AGPAT3: variants seen among roughly 807,000 people sequenced by gnomAD.
AGPAT3 encodes the protein 1-acylglycerol-3-phosphate O-acyltransferase 3, also known as 1-acyl-sn-glycerol-3-phosphate acyltransferase gamma.
In AGPAT3, 5 loss-of-function variants were observed where a neutral mutation model predicts 47.3. That is an observed-to-expected ratio of 0.11 (90% CI 0.06 to 0.22). The LOEUF (loss-of-function observed/expected upper bound fraction) is 0.22. Among genes scored for constraint, AGPAT3 ranks in the 10% least tolerant of loss-of-function variants. The pLI is 1.00. For missense variants in AGPAT3, 315 were observed against 493.0 expected, an observed-to-expected ratio of 0.64 and a Z score of 3.42; for synonymous variants, 212 against 208.3, an observed-to-expected ratio of 1.02 and a Z score of -0.15.
chr21:43,903,561 G>A lies in AGPAT3; in HGVS notation c.-111-396G>A, dbSNP rs187497368. 4.6e-5 allele frequency among the ~76,000 whole-genome samples: 7 copies of A among 152,366 alleles called. No individual in the cohort carries two copies. The East Asian group carries it at 9.6e-4, about 21-fold the overall frequency. On this transcript the variant is annotated intron_variant, in intron 1 of 9. Coordinates refer to ENST00000291572, the MANE Select transcript of AGPAT3 (RefSeq NM_020132.5). ...CAGGGCTTTGGGAAGCAGCGGGAGCGCATGTAAGGCTGGTGTAGCTGTCGC... is the reference window on the plus strand; with the variant it reads ...CAGGGCTTTGGGAAGCAGCGGGAGCACATGTAAGGCTGGTGTAGCTGTCGC...
In AGPAT3 at chr21:43,969,258, G is replaced by A. The variant is rs142026582; in HGVS notation, c.489G>A (p.Ser163=). 1.3e-4 allele frequency: 203 copies of A among 1,614,208 alleles called. 1 individual carries two copies. The highest frequency in any genetic ancestry group is 1.5e-4 in the Non-Finnish European group (179 of 1,180,026). The part of the protein sequence containing the change: ...DTVVEGLRRL[S]DYPEYMWFLL... ...TGGTCGAAGGGCTGAGGCGCCTGTC[G>A]GACTACCCCGAGTACATGTGGGTGA... Residue 163 remains serine (S), a synonymous_variant, in exon 5 of 10, where the codon TCG becomes TCA. Coordinates refer to ENST00000291572, the MANE Select transcript of AGPAT3 (RefSeq NM_020132.5).
intron 2 of AGPAT3, among the ~76,000 whole-genome samples, chr21:43,909,166 C>T (rs1028464170): frequency 1.3e-5 from 2 of 152,228 alleles, no homozygotes; most frequent in Admixed American, 1.3e-4. Context: ...CTCCAAGGGC[C>T]CCATTGGGCC....
intron 1 of AGPAT3, among the ~76,000 whole-genome samples, chr21:43,889,965 T>C (rs1182258080): frequency 6.6e-6 from 1 of 152,156 alleles, no homozygotes; most frequent in Non-Finnish European, 1.5e-5. Flanking sequence ...AAATCTGACA[T>C]TTTGGATCCG....
At position 43,981,956 on chromosome 21, in the gene AGPAT3, A is replaced by G. The variant is rs2146960754; in HGVS notation, c.1043-348A>G. 6.6e-6 allele frequency among the ~76,000 whole-genome samples: 1 copy of G among 152,206 alleles called. No homozygotes were observed. The highest frequency in any genetic ancestry group is 2.1e-4 in the South Asian group (1 of 4,818). ...TTACATCCGAGGGTCCTGCTCGTCC[A>G]CCTCTGTCACCTGTTGGGTTTGCAA... On this transcript the variant is annotated intron_variant, in intron 9 of 9. Coordinates refer to ENST00000291572, the MANE Select transcript of AGPAT3 (RefSeq NM_020132.5). This position sits in a 1 kb window ranked among gnomAD's most constrained non-coding sequence, Gnocchi z 5.3.
chr21:43,969,956 C>T (rs2089324034), intron 5 of AGPAT3, among the ~76,000 whole-genome samples: 1 of 150,978 alleles, frequency 6.6e-6, no homozygotes, highest in Non-Finnish European at 1.5e-5. Flanking sequence ...ACCTTGACCT[C>T]CCAAAGTGCT....
rs76431554 is a variant in AGPAT3, at chr21:43,933,354, G to C, written c.-48-26280G>C. Among the ~76,000 whole-genome samples the C allele has an allele frequency of 6.6e-6, 1 of 152,094 alleles. No individual in the cohort carries two copies. ...TTGCGGGTCGTCTCTTTACCCTGTC[G>C]TTCCCTTTGTCATGCAGAAGCTGTT... On this transcript the variant is annotated intron_variant, in intron 2 of 9. Coordinates refer to ENST00000291572, the MANE Select transcript of AGPAT3 (RefSeq NM_020132.5). This position sits in a 1 kb window ranked among gnomAD's most constrained non-coding sequence, Gnocchi z 6.0.
intron 2 of AGPAT3, among the ~76,000 whole-genome samples, chr21:43,928,184 G>A (rs1343906443): frequency 6.6e-6 from 1 of 152,214 alleles, no homozygotes; most frequent in Non-Finnish European, 1.5e-5. Flanking sequence ...AATAAGAAGC[G>A]ACGGTTTCAG....
intron 1 of AGPAT3, among the ~76,000 whole-genome samples, chr21:43,866,200 A>T (rs1051136635): frequency 1.4e-4 from 9 of 65,878 alleles, no homozygotes; most frequent in African/African-American, 2.6e-4. Context: ...CCAGACCTTT[A>T]AAAAAAAAAA....
chr21:43,910,397 A>G (rs1031746612), intron 2 of AGPAT3, among the ~76,000 whole-genome samples: 16 of 152,190 alleles, frequency 1.1e-4, no homozygotes, highest in Non-Finnish European at 1.9e-4. Flanking sequence ...CAGTGAGGTG[A>G]AGGAGGAGGT....
intron 2 of AGPAT3, among the ~76,000 whole-genome samples, chr21:43,921,192 G>T (rs748789296): frequency 2.0e-5 from 3 of 152,204 alleles, no homozygotes; most frequent in Non-Finnish European, 4.4e-5. Context: ...TTGAACCTGA[G>T]GGGGAGTCAT....
At chr21:43,887,427 A>G (rs2086005250) in intron 1 of AGPAT3, among the ~76,000 whole-genome samples, 1 of 152,198 alleles carries the variant, frequency 6.6e-6, no homozygotes, top group African/African-American at 2.4e-5. Flanking sequence ...AATAGATGAT[A>G]TCAGGGACTA....
intron 1 of AGPAT3, among the ~76,000 whole-genome samples, 158 bp downstream of exon 1, chr21:43,865,503 C>T (rs890939907): frequency 1.4e-5 from 2 of 147,502 alleles, no homozygotes; most frequent in Non-Finnish European, 3.0e-5. Flanking sequence ...GCCGGCCGCG[C>T]TCCGCGGGGC....
rs2029999987 is a variant in AGPAT3 at position 43,984,108 on chromosome 21, G to C, written c.*1716G>C. 1 of 152,222 alleles carries C rather than the reference G, an allele frequency of 6.6e-6. No homozygotes were observed. Among genetic ancestry groups the C allele is most frequent in the Non-Finnish European group, 1.5e-5 (1 of 68,070 alleles). 9.4% of individuals were successfully genotyped at this position (152,222 alleles called of 1,614,324 possible). On this transcript the variant is annotated 3_prime_UTR_variant, in exon 10 of 10. Coordinates refer to ENST00000291572, the MANE Select transcript of AGPAT3 (RefSeq NM_020132.5). The stretch of plus-strand genomic sequence containing the variant: ...AGCACGGCTCCTCGCAGGGGTGAAG[G>C]GGCAGACCAACGAAACCAGATGAGA...
At chr21:43,923,163 C>T (rs1205114733) in intron 2 of AGPAT3, among the ~76,000 whole-genome samples, 1 of 151,656 alleles carries the variant, frequency 6.6e-6, no homozygotes, top group African/African-American at 2.4e-5. Context: ...CCTGTGCTCA[C>T]CAGCACACCA....
rs865787019 is a variant in AGPAT3 at position 43,957,609 on chromosome 21, G to A, written c.-48-2025G>A. 4.1e-4 allele frequency among the ~76,000 whole-genome samples: 61 copies of A among 148,836 alleles called. 1 individual carries two copies. Among genetic ancestry groups the A allele is most frequent in the African/African-American group, 1.5e-3 (61 of 40,204 alleles). ...ACACGGGGTTTCCCCCTCCACGCGG[G>A]GGTCTCGGGTTTCCCCCTGCACACA... On this transcript the variant is annotated intron_variant, in intron 2 of 9. Coordinates refer to ENST00000291572, the MANE Select transcript of AGPAT3 (RefSeq NM_020132.5).
chr21:43,905,605 T>A (rs1450083293), intron 2 of AGPAT3, among the ~76,000 whole-genome samples: 4 of 152,272 alleles, frequency 2.6e-5, no homozygotes, highest in Non-Finnish European at 4.4e-5. Flanking sequence ...CACTCTGAGC[T>A]GTCCTCTAAC....
At chr21:43,888,319 C>T (rs1266155284) in intron 1 of AGPAT3, among the ~76,000 whole-genome samples, 1 of 152,218 alleles carries the variant, frequency 6.6e-6, no homozygotes, top group African/African-American at 2.4e-5. Flanking sequence ...GAATGACAGG[C>T]TTGCATCACT....
intron 7 of AGPAT3, among the ~76,000 whole-genome samples, chr21:43,972,383 T>C (rs968836504): frequency 1.3e-5 from 2 of 152,126 alleles, no homozygotes; most frequent in African/African-American, 4.8e-5. Context: ...TGACCTCAAG[T>C]GATCTGCCTG....
rs1444459386 is a variant in AGPAT3 at position 43,981,930 on chromosome 21, C to T, written c.1043-374C>T. 1.3e-5 allele frequency among the ~76,000 whole-genome samples: 2 copies of T among 152,222 alleles called. No homozygotes were observed. The highest frequency in any genetic ancestry group is 2.9e-5 in the Non-Finnish European group (2 of 68,044). ...CCCACAGAGGACAGGATGTGACCTG[C>T]TTACATCCGAGGGTCCTGCTCGTCC... On this transcript the variant is annotated intron_variant, in intron 9 of 9. Coordinates refer to ENST00000291572, the MANE Select transcript of AGPAT3 (RefSeq NM_020132.5). The surrounding 1 kb of genome is among the most constrained non-coding windows in gnomAD (Gnocchi z 5.3).
Sources: allele counts gnomAD v4.1 joint callset (sites outside exome capture counted in the v4.1 genomes callset), GRCh38; gene constraint gnomAD v4.1.1; non-coding constraint Gnocchi (gnomAD v3.1); transcripts MANE v1.5; gene names NCBI Gene and HGNC (gene_info 2026-07-23, HGNC 2026-07-21).